The following LVRN variants were observed in gnomAD, a reference collection of about 807,000 sequenced individuals.
LVRN encodes aminopeptidase Q.
In LVRN, 99 loss-of-function variants were observed where a neutral mutation model predicts 111.4. That is an observed-to-expected ratio of 0.89 (90% CI 0.76 to 1.05). The LOEUF (loss-of-function observed/expected upper bound fraction) is 1.05, where lower values mean the gene tolerates loss of function less well. Ranked by LOEUF, LVRN falls within the 50% of genes least tolerant of loss-of-function variation. The pLI is 0.00. For missense variants in LVRN, 1,414 were observed against 1,206.8 expected, an observed-to-expected ratio of 1.17 and a Z score of -2.54; for synonymous variants, 488 against 449.5, an observed-to-expected ratio of 1.09 and a Z score of -1.08.
chr5:115,968,846 C>T (rs1345716450), intron 1 of LVRN, among the ~76,000 whole-genome samples: 4 of 152,132 alleles, frequency 2.6e-5, no homozygotes, highest in Non-Finnish European at 5.9e-5. Flanking sequence ...AGGAAGGAGG[C>T]TAAGCTGGGA....
At chr5:115,979,391 C>T (rs959974752) in intron 1 of LVRN, among the ~76,000 whole-genome samples, 12 of 152,034 alleles carry the variant, frequency 7.9e-5, no homozygotes, top group Admixed American at 1.3e-4. Flanking sequence ...GAAGGTTGCC[C>T]CTCCTCCCAA....
intron 13 of LVRN, among the ~76,000 whole-genome samples, chr5:116,008,748 G>A (rs142175558): frequency 1.2e-3 from 184 of 152,248 alleles, no homozygotes; most frequent in Non-Finnish European, 2.1e-3. Flanking sequence ...TTCTATTCAG[G>A]CTAAGAGAGG....
At chr5:115,963,762 G>A (rs1753143534) in intron 1 of LVRN, among the ~76,000 whole-genome samples, 2 of 152,134 alleles carry the variant, frequency 1.3e-5, no homozygotes, top group African/African-American at 4.8e-5. Context: ...CTATAACCTT[G>A]CTCCGAATAA....
rs369003144 is a variant in LVRN at position 115,962,758 on chromosome 5, G to A, written c.141G>A (p.Glu47=). 36 of 1,611,790 alleles carry A rather than the reference G, an allele frequency of 2.2e-5. No homozygotes were observed. Among genetic ancestry groups the A allele is most frequent in the Non-Finnish European group, 3.0e-5 (35 of 1,179,346 alleles). The change falls in exon 1 of 20, where the codon GAG becomes GAA. Residue 47 remains glutamate, a synonymous_variant. Transcript: ENST00000357872. ...ACTGCGAGCGCGTCCCACCGTCGGAGCTGCCTGGACTCAGGGACTTGGAAG... is the reference window on the plus strand; with the variant it reads ...ACTGCGAGCGCGTCCCACCGTCGGAACTGCCTGGACTCAGGGACTTGGAAG... ...YGHCERVPPS[E]LPGLRDLEAE...
At chr5:116,015,862 C>A in intron 18 of LVRN, 97 bp downstream of exon 18, 1 of 1,450,062 alleles carries the variant, frequency 6.9e-7, no homozygotes, top group South Asian at 1.5e-5. Context: ...TTTAGTCTAG[C>A]TAGGCCACAA....
intron 1 of LVRN, chr5:115,975,240 G>T: frequency 2.2e-6 from 1 of 462,398 alleles, no homozygotes; most frequent in South Asian, 1.7e-5. Flanking sequence ...CACACCCCAT[G>T]TCCAGCATAT....
intron 6 of LVRN, among the ~76,000 whole-genome samples, chr5:115,996,106 A>T (rs885123): frequency 0.16 from 24,965 of 152,110 alleles, 2,294 homozygotes; most frequent in East Asian, 0.41. Context: ...GCCATCTTTA[A>T]CTTCTTTTGA....
At chr5:116,003,587 GTT>G (rs5870678) in intron 12 of LVRN, among the ~76,000 whole-genome samples, 23 of 117,476 alleles carry the variant, frequency 2.0e-4, no homozygotes, top group African/African-American at 4.3e-4. Flanking sequence ...TGTTTTTTTT[GTT>G]TTTTTTTTTT....
intron 1 of LVRN, chr5:115,974,391 T>C (rs1050126842): frequency 6.6e-6 from 1 of 152,280 alleles, no homozygotes; most frequent in Non-Finnish European, 1.5e-5. Context: ...CTCTTAGTGG[T>C]AATGCTGATT....
In LVRN at chr5:116,015,724, A is replaced by C. The variant is rs757759088; in HGVS notation, c.2715A>C (p.Ala905=). The C allele has an allele frequency of 1.2e-6, 2 of 1,613,606 alleles. No homozygotes were observed. The highest frequency in any genetic ancestry group is 1.7e-6 in the Non-Finnish European group (2 of 1,179,648). ...VASSEVGRYV[A]KDFLVNNWQA... is the part of the protein sequence containing the mutation. ...CATCTGAAGTTGGCCGGTATGTCGC[A>C]AAAGACTTCTTAGTCAACAACTGGC... Residue 905 remains alanine (A), a synonymous_variant, in exon 18 of 20, where the codon GCA becomes GCC. Coordinates refer to ENST00000357872, the MANE Select transcript of LVRN (RefSeq NM_173800.5).
Position 116,015,699 on chromosome 5 carries a change from C to T in LVRN, c.2690C>T (p.Ser897Leu), listed in dbSNP as rs200426982. Residue 897 changes from serine to leucine, a missense_variant, in exon 18 of 20, where the codon TCA becomes TTA. By Grantham distance (145) the Ser-to-Leu change is moderately radical. Coordinates refer to ENST00000357872, the MANE Select transcript of LVRN (RefSeq NM_173800.5). ...ACAAATATAATTGAGGTTGTGGCTT[C>T]ATCTGAAGTTGGCCGGTATGTCGCA... ...NETNIIEVVA[S>L]SEVGRYVAKD... The T allele has an allele frequency of 1.1e-5, 17 of 1,613,396 alleles. No homozygotes were observed. In the East Asian group the frequency reaches 3.8e-4, roughly 36 times the overall value.
Position 116,000,472 on chromosome 5 carries a change from G to C in LVRN, c.1555G>C (p.Glu519Gln). The part of the protein sequence containing the change: ...MARMLSCFLN[E>Q]HLFVSALKSY... The stretch of plus-strand genomic sequence containing the variant: ...CCGGATGCTTTCTTGTTTCTTGAAT[G>C]AGCATTTATTTGTCAGTGCACTCAA... The change falls in exon 8 of 20, where the codon GAG becomes CAG. Residue 519 changes from glutamate to glutamine, a missense_variant. Glu to Gln is a conservative substitution (Grantham distance 29, BLOSUM62 2). Coordinates refer to ENST00000357872, the MANE Select transcript of LVRN (RefSeq NM_173800.5). The C allele has an allele frequency of 6.2e-7, 1 of 1,614,150 alleles. No individual in the cohort carries two copies. Among genetic ancestry groups the C allele is most frequent in the Non-Finnish European group, 8.5e-7 (1 of 1,180,008 alleles).
chr5:115,965,988 T>A (rs1411333691), intron 1 of LVRN, among the ~76,000 whole-genome samples: 2 of 152,214 alleles, frequency 1.3e-5, no homozygotes, highest in Non-Finnish European at 2.9e-5. Context: ...AATTATAGAT[T>A]CACCAGAAGT....
At position 116,001,005 on chromosome 5, in the gene LVRN, T is replaced by C. The variant is rs1179405711; in HGVS notation, c.1648-62T>C. 2.0e-5 allele frequency: 30 copies of C among 1,514,850 alleles called. 1 individual carries two copies. Among genetic ancestry groups the C allele is most frequent in the Non-Finnish European group, 2.5e-5 (28 of 1,130,362 alleles). 93.8% of individuals were successfully genotyped at this position (1,514,850 alleles called of 1,614,324 possible). ...TAGCTACCGAGTTTCTTTTTGGAGA[T>C]TGCTACTTCAAAATGTTTCACGGAT... On this transcript the variant is annotated intron_variant, in intron 9 of 19. Coordinates refer to ENST00000357872, the MANE Select transcript of LVRN (RefSeq NM_173800.5).
At chr5:115,993,147 T>C (rs1468597974) in intron 5 of LVRN, among the ~76,000 whole-genome samples, 1 of 152,142 alleles carries the variant, frequency 6.6e-6, no homozygotes, top group Non-Finnish European at 1.5e-5. Flanking sequence ...CGTTTGTTAG[T>C]TTGGAAATCA....
At chr5:116,002,716 G>C (rs1364677174) in intron 10 of LVRN, 119 bp from the exon 11 acceptor site, 2 of 715,232 alleles carry the variant, frequency 2.8e-6, no homozygotes, top group Non-Finnish European at 4.5e-6. Flanking sequence ...TGCATATCTA[G>C]AGAGAATGAC....
intron 4 of LVRN, among the ~76,000 whole-genome samples, chr5:115,989,889 A>ATTG (rs1747947091): frequency 6.6e-6 from 1 of 151,900 alleles, no homozygotes; most frequent in South Asian, 2.1e-4. Flanking sequence ...AATTGCTTTA[A>ATTG]CTCTTTGCTG....
At chr5:115,993,346 T>C (rs1748035376) in intron 5 of LVRN, among the ~76,000 whole-genome samples, 1 of 152,210 alleles carries the variant, frequency 6.6e-6, no homozygotes, top group South Asian at 2.1e-4. Flanking sequence ...AAAATCCAGT[T>C]GCAGCCTACT....
intron 6 of LVRN, among the ~76,000 whole-genome samples, chr5:115,994,525 G>A (rs1343721288): frequency 1.3e-5 from 2 of 152,040 alleles, no homozygotes; most frequent in Non-Finnish European, 2.9e-5. Context: ...CACCAGCCTC[G>A]GCCTCCCAAA....
Sources: allele counts gnomAD v4.1 joint callset (sites outside exome capture counted in the v4.1 genomes callset), GRCh38; gene constraint gnomAD v4.1.1; transcripts MANE v1.5; gene names NCBI Gene and HGNC (gene_info 2026-07-23, HGNC 2026-07-21).